The following THSD7B variants were observed in gnomAD, a reference collection of about 807,000 sequenced individuals.
THSD7B encodes the protein thrombospondin type 1 domain containing 7B.
A neutral mutation model predicts 213.6 loss-of-function variants in THSD7B; 138 were observed. The ratio of observed to expected loss-of-function variants is 0.65; its 90% CI spans 0.56 to 0.74. The LOEUF (loss-of-function observed/expected upper bound fraction) is 0.74. THSD7B is among the 30% of genes least tolerant of loss of function. The pLI, the probability that THSD7B is intolerant of heterozygous loss-of-function variation, is 0.00. For synonymous variants in THSD7B, 742 were observed against 687.0 expected (o/e 1.08, Z -1.25); for missense variants, 1,931 against 1,991.5 (o/e 0.97, Z 0.58).
chr2:137,141,916 A>G (rs900306763), intron 5 of THSD7B, among the ~76,000 whole-genome samples: 1 of 152,160 alleles, frequency 6.6e-6, no homozygotes, highest in African/African-American at 2.4e-5. Context: ...GATACAATGA[A>G]TTCAAGTTTT....
At chr2:137,173,991 TG>T (rs1680314830) in intron 7 of THSD7B, among the ~76,000 whole-genome samples, 1 of 152,220 alleles carries the variant, frequency 6.6e-6, no homozygotes. Flanking sequence ...CCATCACTCT[TG>T]GTTTATTAAT....
At position 137,618,503 on chromosome 2, in the gene THSD7B, A is replaced by T; in HGVS notation, c.3677A>T (p.Glu1226Val). The change falls in exon 19 of 28, where the codon GAG (glutamate) becomes GTG (valine). Residue 1226 changes from glutamate to valine, a missense_variant. By Grantham distance (121) the Glu-to-Val change is moderately radical. Transcript: ENST00000409968. ...AAGCCAGTCAGCATGGACCAATGTG[A>T]GCAGGTACTGTGTTTATATTCATAT... ...DGKPVSMDQC[E>V]QHNLEKPQRM... 6.2e-7 allele frequency: 1 copy of T among 1,613,618 alleles called. No homozygotes were observed. Among genetic ancestry groups the T allele is most frequent in the Non-Finnish European group, 8.5e-7 (1 of 1,179,748 alleles).
chr2:137,065,369 A>G (rs1006212986), intron 3 of THSD7B, among the ~76,000 whole-genome samples: 8 of 152,026 alleles, frequency 5.3e-5, no homozygotes, highest in African/African-American at 1.9e-4. Flanking sequence ...TGTATCCTGT[A>G]ACTTTACTAA....
intron 17 of THSD7B, among the ~76,000 whole-genome samples, chr2:137,612,727 A>G (rs903124442): frequency 3.3e-5 from 5 of 152,138 alleles, no homozygotes; most frequent in Non-Finnish European, 5.9e-5. Context: ...ACACTATAGA[A>G]AACAACACAC....
At chr2:137,427,810 C>A (rs1687093800) in intron 14 of THSD7B, among the ~76,000 whole-genome samples, 1 of 152,072 alleles carries the variant, frequency 6.6e-6, no homozygotes. Context: ...ACTTGAAATT[C>A]TCTGTGAGAG....
At chr2:136,803,221 A>G (rs1380254103) in intron 1 of THSD7B, among the ~76,000 whole-genome samples, 1 of 152,110 alleles carries the variant, frequency 6.6e-6, no homozygotes, top group Non-Finnish European at 1.5e-5. Context: ...CAATAAGCAA[A>G]CAGAAAATTA....
At chr2:137,131,385 T>G (rs1051987600) in intron 5 of THSD7B, among the ~76,000 whole-genome samples, 55 of 152,272 alleles carry the variant, frequency 3.6e-4, no homozygotes, top group African/African-American at 1.3e-3. Flanking sequence ...TTAGTTTAAT[T>G]AGATCCCATT....
intron 10 of THSD7B, among the ~76,000 whole-genome samples, chr2:137,249,608 A>G (rs138097476): frequency 2.2e-4 from 33 of 152,272 alleles, no homozygotes; most frequent in African/African-American, 7.9e-4. Context: ...TTTCTCTTGC[A>G]TCCTACAGTG....
intron 14 of THSD7B, among the ~76,000 whole-genome samples, chr2:137,414,053 GTT>G (rs369602020): frequency 2.3e-3 from 346 of 152,196 alleles, no homozygotes; most frequent in African/African-American, 7.5e-3. Context: ...TTTGTGGAGG[GTT>G]TTTTAATTTA....
At chr2:136,879,801 T>A (rs6712207) in intron 1 of THSD7B, among the ~76,000 whole-genome samples, 1 of 152,054 alleles carries the variant, frequency 6.6e-6, no homozygotes, top group Non-Finnish European at 1.5e-5. Flanking sequence ...ACAAAAAAAG[T>A]CAGGGGTTGC....
chr2:136,931,280 C>T (rs1430923546), intron 2 of THSD7B, among the ~76,000 whole-genome samples: 2 of 152,052 alleles, frequency 1.3e-5, no homozygotes, highest in African/African-American at 4.8e-5. Flanking sequence ...GTTAGTACAG[C>T]CCTAGAATGC....
intron 3 of THSD7B, among the ~76,000 whole-genome samples, chr2:137,079,513 G>T (rs62172275): frequency 0.087 from 13,298 of 152,082 alleles, 710 homozygotes; most frequent in East Asian, 0.18. Context: ...ATTTTAATTT[G>T]TCAGATATTA....
At chr2:137,383,488 A>G (rs1338380700) in intron 12 of THSD7B, among the ~76,000 whole-genome samples, 1 of 152,166 alleles carries the variant, frequency 6.6e-6, no homozygotes, top group Non-Finnish European at 1.5e-5. Context: ...GATGGAATGT[A>G]AGGAAAATGG....
chr2:137,576,550 A>G (rs1217390676), intron 17 of THSD7B, among the ~76,000 whole-genome samples: 2 of 152,144 alleles, frequency 1.3e-5, no homozygotes, highest in African/African-American at 4.8e-5. Context: ...GAAACTATAT[A>G]GGGCTTAAGT....
At chr2:136,958,629 T>A (rs1171364391) in intron 2 of THSD7B, among the ~76,000 whole-genome samples, 1 of 152,072 alleles carries the variant, frequency 6.6e-6, no homozygotes, top group Non-Finnish European at 1.5e-5. Flanking sequence ...TTGGGGAAGT[T>A]TACATTAGAG....
chr2:136,847,278 A>T (rs897915745), intron 1 of THSD7B, among the ~76,000 whole-genome samples: 4 of 152,216 alleles, frequency 2.6e-5, no homozygotes, highest in Non-Finnish European at 4.4e-5. Context: ...ATAGGATCTC[A>T]GAGTGGTGGA....
At chr2:137,554,991 G>A (rs1680926064) in intron 15 of THSD7B, among the ~76,000 whole-genome samples, 1 of 152,174 alleles carries the variant, frequency 6.6e-6, no homozygotes, top group Non-Finnish European at 1.5e-5. Flanking sequence ...CAGCAAGTCT[G>A]AGGGAGGGGC....
At chr2:137,048,231 T>C (rs1687003401) in intron 2 of THSD7B, among the ~76,000 whole-genome samples, 1 of 152,170 alleles carries the variant, frequency 6.6e-6, no homozygotes, top group Admixed American at 6.5e-5. Flanking sequence ...GAAAGTAAAC[T>C]ACTCAGTTAC....
At chr2:137,648,771 ATG>A (rs1188477577) in intron 21 of THSD7B, among the ~76,000 whole-genome samples, 1 of 151,472 alleles carries the variant, frequency 6.6e-6, no homozygotes, top group South Asian at 2.1e-4. Context: ...ATGTGTGTTT[ATG>A]TGTGTGTGTA....
Sources: allele counts gnomAD v4.1 joint callset (sites outside exome capture counted in the v4.1 genomes callset), GRCh38; gene constraint gnomAD v4.1.1; transcripts MANE v1.5; gene names NCBI Gene and HGNC (gene_info 2026-07-23, HGNC 2026-07-21).